Variants in SLC24A2 observed in about 807,000 individuals in gnomAD.
SLC24A2 encodes the protein sodium/potassium/calcium exchanger 2.
A neutral mutation model predicts 62.0 loss-of-function variants in SLC24A2; 36 were observed. The ratio of observed to expected loss-of-function variants is 0.58; its 90% confidence interval spans 0.44 to 0.77. SLC24A2 has a LOEUF of 0.77. Ranked by LOEUF, SLC24A2 falls within the 30% of genes least tolerant of loss-of-function variation. The pLI is 0.00. For synonymous variants in SLC24A2, 358 were observed against 294.0 expected (o/e 1.22, Z -2.23); for missense variants, 846 against 817.9 (o/e 1.03, Z -0.42).
chr9:20,205,649 T>TAAAAAAAAAAAAAAA, the SLC24A2 span, among the ~76,000 whole-genome samples: 8 of 65,296 alleles, frequency 1.2e-4, no homozygotes, highest in East Asian at 4.5e-4. Flanking sequence ...AGACTCCATC[T>TAAAAAAAAAAAAAAA]AAAAAAAAAA....
At chr9:19,767,596 C>G (rs1822557279) in intron 2 of SLC24A2, among the ~76,000 whole-genome samples, 1 of 152,076 alleles carries the variant, frequency 6.6e-6, no homozygotes, top group South Asian at 2.1e-4. Context: ...AAGGTGATGC[C>G]CCACCCTGCT....
At chr9:19,901,780 T>G in the SLC24A2 span, among the ~76,000 whole-genome samples, 1 of 152,188 alleles carries the variant, frequency 6.6e-6, no homozygotes, top group Non-Finnish European at 1.5e-5. Context: ...GGTGTTCTTC[T>G]TAACAGGAGA....
intron 10 of SLC24A2, among the ~76,000 whole-genome samples, chr9:19,520,017 GTGGCTTAAA>G (rs1237827567): frequency 6.6e-6 from 1 of 152,166 alleles, no homozygotes; most frequent in Non-Finnish European, 1.5e-5. Flanking sequence ...GGATTATTGT[GTGGCTTAAA>G]TGGAGAAAAA....
chr9:19,961,082 GGAGAAAGAGAAGAAAGGAGA>G, the SLC24A2 span, among the ~76,000 whole-genome samples: 1 of 145,856 alleles, frequency 6.9e-6, no homozygotes. Flanking sequence ...AGAGAAGAAA[GGAGAAAGAGAAGAAAGGAGA>G]GAGAGACAGA....
Position 19,622,317 on chromosome 9 carries a change from G to T in SLC24A2, c.931-18C>A, listed in dbSNP as rs369323739. 73 of 1,610,804 alleles carry T rather than the reference G, an allele frequency of 4.5e-5. No homozygotes were observed. The highest frequency in any genetic ancestry group is 6.1e-5 in the Non-Finnish European group (72 of 1,177,416). On this transcript the variant is annotated intron_variant, in intron 2 of 10. Coordinates refer to ENST00000341998, the MANE Select transcript of SLC24A2 (RefSeq NM_020344.4). ...GCAGATGGCTGCATAAGAGAAAAAGGCAAAGACAAAAGACAAAGAAATAAA... is the reference window on the plus strand; with the variant it reads ...GCAGATGGCTGCATAAGAGAAAAAGTCAAAGACAAAAGACAAAGAAATAAA...
chr9:20,263,508 C>G, the SLC24A2 span, among the ~76,000 whole-genome samples: 1 of 152,146 alleles, frequency 6.6e-6, no homozygotes, highest in African/African-American at 2.4e-5. Context: ...CTCGGCCCCC[C>G]AAAAGCGTTA....
chr9:19,951,868 A>G, the SLC24A2 span, among the ~76,000 whole-genome samples: 1 of 152,104 alleles, frequency 6.6e-6, no homozygotes, highest in African/African-American at 2.4e-5. Context: ...TTCATCTCTT[A>G]CAACCTCACA....
chr9:19,557,604 A>C (rs1835158997), intron 7 of SLC24A2, among the ~76,000 whole-genome samples: 1 of 152,218 alleles, frequency 6.6e-6, no homozygotes, highest in South Asian at 2.1e-4. Flanking sequence ...AGGGCCAGCT[A>C]GTCAAGGCAT....
chr9:19,619,527 G>T, intron 4 of SLC24A2, 57 bp downstream of exon 4: 2 of 1,301,264 alleles, frequency 1.5e-6, no homozygotes, highest in Non-Finnish European at 2.2e-6. Flanking sequence ...ATGCAGAGAA[G>T]CCTTTTGGCA....
At chr9:20,178,673 CAG>C in the SLC24A2 span, among the ~76,000 whole-genome samples, 1 of 152,118 alleles carries the variant, frequency 6.6e-6, no homozygotes, top group Non-Finnish European at 1.5e-5. Flanking sequence ...ATAAACTTAA[CAG>C]AGCTCACCTA....
the SLC24A2 span, among the ~76,000 whole-genome samples, chr9:19,833,583 T>C: frequency 2.6e-5 from 4 of 152,170 alleles, no homozygotes; most frequent in Admixed American, 2.0e-4. Flanking sequence ...GCAGGGAAGC[T>C]TGAACTGGGT....
At chr9:19,521,141 C>T in intron 9 of SLC24A2, 81 bp from the exon 10 acceptor site, 2 of 1,232,078 alleles carry the variant, frequency 1.6e-6, no homozygotes, top group Non-Finnish European at 1.2e-6. Flanking sequence ...AATGCGACCT[C>T]CTTTTAATGC....
the SLC24A2 span, among the ~76,000 whole-genome samples, chr9:20,184,144 T>C: frequency 6.6e-6 from 1 of 152,104 alleles, no homozygotes. Flanking sequence ...GACATACAAA[T>C]GGCCAACAGG....
At chr9:20,124,390 G>A in the SLC24A2 span, among the ~76,000 whole-genome samples, 18 of 151,530 alleles carry the variant, frequency 1.2e-4, no homozygotes, top group East Asian at 3.9e-4. Flanking sequence ...AGAAGAAGAA[G>A]AAAAAAGTTT....
intron 2 of SLC24A2, among the ~76,000 whole-genome samples, chr9:19,731,640 G>A (rs1035317549): frequency 6.6e-6 from 1 of 152,054 alleles, no homozygotes; most frequent in Non-Finnish European, 1.5e-5. Context: ...CTTGATCTTG[G>A]ACTTCCAGCC....
chr9:20,083,211 T>C, the SLC24A2 span, among the ~76,000 whole-genome samples: 1 of 152,260 alleles, frequency 6.6e-6, no homozygotes, highest in African/African-American at 2.4e-5. Flanking sequence ...CAAAAGTGCA[T>C]TGCCAATACC....
chr9:20,066,493 ATTTCT>A, the SLC24A2 span, among the ~76,000 whole-genome samples: 1 of 152,192 alleles, frequency 6.6e-6, no homozygotes, highest in Admixed American at 6.5e-5. Flanking sequence ...AAGCCGACAG[ATTTCT>A]TTTGACACTT....
the SLC24A2 span, among the ~76,000 whole-genome samples, chr9:19,989,374 C>T: frequency 1.3e-5 from 2 of 152,068 alleles, no homozygotes; most frequent in African/African-American, 4.8e-5. Flanking sequence ...ATAAAAAATA[C>T]TTAACATAAT....
chr9:20,201,443 T>A, the SLC24A2 span, among the ~76,000 whole-genome samples: 1 of 152,116 alleles, frequency 6.6e-6, no homozygotes, highest in Non-Finnish European at 1.5e-5. Context: ...ACTTCTGTGA[T>A]AACAGAGACC....
Sources: allele counts gnomAD v4.1 joint callset (sites outside exome capture counted in the v4.1 genomes callset), GRCh38; gene constraint gnomAD v4.1.1; transcripts MANE v1.5; gene names NCBI Gene and HGNC (gene_info 2026-07-23, HGNC 2026-07-21).